The following GRIN2D variants were observed in gnomAD, a reference collection of about 807,000 sequenced individuals.
GRIN2D encodes glutamate ionotropic receptor NMDA type subunit 2D.
A neutral mutation model predicts 103.2 loss-of-function variants in GRIN2D; 37 were observed. The ratio of observed to expected loss-of-function variants is 0.36; its 90% CI spans 0.28 to 0.47. GRIN2D has a LOEUF of 0.47. GRIN2D is among the 20% of genes least tolerant of loss of function. The pLI is 1.00. For missense variants in GRIN2D, 1,557 were observed against 1,910.6 expected, an observed-to-expected ratio of 0.81 and a Z score of 3.45; for synonymous variants, 845 against 885.6, an observed-to-expected ratio of 0.95 and a Z score of 0.81.
At chr19:48,423,457 G>A (rs1448799027) in intron 11 of GRIN2D, among the ~76,000 whole-genome samples, 1 of 152,120 alleles carries the variant, frequency 6.6e-6, no homozygotes, top group African/African-American at 2.4e-5. Flanking sequence ...GTGATGGTGA[G>A]CTAGAGGGCG....
intron 11 of GRIN2D, among the ~76,000 whole-genome samples, chr19:48,431,449 G>C (rs538077961): frequency 1.2e-3 from 187 of 152,190 alleles, no homozygotes; most frequent in African/African-American, 4.1e-3. Context: ...TCACTCTATT[G>C]TTTTCTAATA....
intron 9 of GRIN2D, 56 bp from the exon 10 acceptor site, chr19:48,419,529 C>A: frequency 3.0e-6 from 4 of 1,349,958 alleles, no homozygotes; most frequent in Non-Finnish European, 4.1e-6. Context: ...TTTTTTTTTT[C>A]CCTTCCTTAT....
At chr19:48,395,419 C>A (rs914536382) in intron 2 of GRIN2D, among the ~76,000 whole-genome samples, 11 of 152,108 alleles carry the variant, frequency 7.2e-5, no homozygotes, top group African/African-American at 2.7e-4. Context: ...CAAGCTCCCA[C>A]CCCTTCCTCA....
chr19:48,402,611 G>A (rs1379869010), intron 3 of GRIN2D, among the ~76,000 whole-genome samples: 3 of 151,180 alleles, frequency 2.0e-5, no homozygotes, highest in Admixed American at 2.0e-4. Flanking sequence ...CAGCTACTCG[G>A]GAGGCTGAGG....
chr19:48,396,638 G>A (rs899428454), intron 2 of GRIN2D, among the ~76,000 whole-genome samples: 2 of 152,016 alleles, frequency 1.3e-5, no homozygotes, highest in African/African-American at 4.8e-5. Context: ...AGCCAGGATC[G>A]GGGAGGGATG....
At chr19:48,434,073 C>A (rs1000788475) in intron 11 of GRIN2D, among the ~76,000 whole-genome samples, 18 of 151,686 alleles carry the variant, frequency 1.2e-4, no homozygotes, top group Non-Finnish European at 1.9e-4. Flanking sequence ...CTCAGCTTCC[C>A]GAGTAGCTGG....
At chr19:48,408,050 G>A (rs963863596) in intron 4 of GRIN2D, among the ~76,000 whole-genome samples, 20 of 151,958 alleles carry the variant, frequency 1.3e-4, no homozygotes, top group African/African-American at 4.6e-4. Context: ...TTAGCTGGGC[G>A]TTGGCCGGGC....
intron 8 of GRIN2D, among the ~76,000 whole-genome samples, chr19:48,416,420 G>A (rs1306233449): frequency 6.6e-6 from 1 of 152,192 alleles, no homozygotes; most frequent in Non-Finnish European, 1.5e-5. Flanking sequence ...CAGCTTCCAA[G>A]CCCTGCACCT....
chr19:48,443,999 C>A lies in GRIN2D; in HGVS notation c.*62C>A. ...GCAGGCCACGGCCCGAGGGGGCGCC[C>A]GCAGTGGACAGGACCCGCGTGGGTT... On this transcript the variant is annotated 3_prime_UTR_variant, in exon 14 of 14. Transcript: ENST00000263269. This position sits in a 1 kb window ranked among gnomAD's most constrained non-coding sequence, Gnocchi z 8.9. 8.9e-7 allele frequency: 1 copy of A among 1,122,778 alleles called. No homozygotes were observed. The highest frequency in any genetic ancestry group is 2.0e-5 in the South Asian group (1 of 49,336). The allele number at this position is 1,122,778 out of a possible 1,614,324, so 69.6% of individuals were successfully genotyped here.
intron 11 of GRIN2D, among the ~76,000 whole-genome samples, chr19:48,440,184 C>CT (rs1569073553): frequency 6.6e-6 from 1 of 151,678 alleles, no homozygotes; most frequent in Non-Finnish European, 1.5e-5. Context: ...GCACTCCAGC[C>CT]TGGGGGACAA....
intron 11 of GRIN2D, among the ~76,000 whole-genome samples, chr19:48,428,052 T>G (rs868317251): frequency 0.011 from 1,610 of 150,296 alleles, 34 homozygotes; most frequent in African/African-American, 0.037. Flanking sequence ...TTCTTTTTTT[T>G]TTTTTTTTTT....
At chr19:48,404,141 G>A (rs1970751522) in intron 3 of GRIN2D, among the ~76,000 whole-genome samples, 5 of 152,070 alleles carry the variant, frequency 3.3e-5, no homozygotes, top group Admixed American at 3.3e-4. Flanking sequence ...TCGGGAGGCT[G>A]AGGCAGGAGA....
rs1600967462 is a variant in GRIN2D at position 48,398,674 on chromosome 19, G to A, written c.282G>A (p.Ser94=). The stretch of plus-strand genomic sequence containing the variant: ...CCGTGGCGCTGGTGCTCAACGGCTC[G>A]GACCCGCGCAGCCTCGTGCTGCAGC... ...VRPVALVLNG[S]DPRSLVLQLC... is the part of the protein sequence containing the mutation. The change falls in exon 3 of 14, where the codon TCG becomes TCA. Residue 94 remains serine, a synonymous_variant. Coordinates refer to ENST00000263269, the MANE Select transcript of GRIN2D (RefSeq NM_000836.4). 2 of 1,453,738 alleles carry A rather than the reference G, an allele frequency of 1.4e-6. No individual in the cohort carries two copies. The highest frequency in any genetic ancestry group is 1.8e-6 in the Non-Finnish European group (2 of 1,106,576). 90.1% of individuals were successfully genotyped at this position (1,453,738 alleles called of 1,614,324 possible). A position where few individuals can be genotyped will look rare whatever the true frequency, so the allele number is the denominator to read the frequency against.
In GRIN2D at chr19:48,410,087, G is replaced by A. The variant is rs1221760911; in HGVS notation, c.1086-3904G>A. 2.0e-5 allele frequency among the ~76,000 whole-genome samples: 3 copies of A among 151,450 alleles called. No individual in the cohort carries two copies. In the East Asian group the frequency reaches 5.9e-4, roughly 30 times the overall value. On this transcript the variant is annotated intron_variant, in intron 4 of 13. Coordinates refer to ENST00000263269, the MANE Select transcript of GRIN2D (RefSeq NM_000836.4). ...GGCGTGAACCACTGCGCCCAGCCTGGACTTGATTCTGAGAGTAGTGGGGAG... is the reference window on the plus strand; with the variant it reads ...GGCGTGAACCACTGCGCCCAGCCTGAACTTGATTCTGAGAGTAGTGGGGAG...
chr19:48,405,326 G>A lies in GRIN2D; in HGVS notation c.1058G>A (p.Arg353His), dbSNP rs1335920330. The change falls in exon 4 of 14, where the codon CGC (arginine) becomes CAC (histidine). Residue 353 changes from arginine to histidine, a missense_variant. By Grantham distance (29) the Arg-to-His change is conservative (BLOSUM62 0). Transcript: ENST00000263269. This position sits in a 1 kb window ranked among gnomAD's most constrained non-coding sequence, Gnocchi z 5.1. ...ELGHDCRAQNRTHRGESLHRY... is the reference protein window; with the variant it reads ...ELGHDCRAQNHTHRGESLHRY... ...GGCCACGACTGTCGCGCCCAGAACCGCACCCACCGCGGCGAGAGTCTGCAT... is the reference window on the plus strand; with the variant it reads ...GGCCACGACTGTCGCGCCCAGAACCACACCCACCGCGGCGAGAGTCTGCAT... 1 of 1,593,696 alleles carries A rather than the reference G, an allele frequency of 6.3e-7. No individual in the cohort carries two copies. The highest frequency in any genetic ancestry group is 1.7e-5 in the Admixed American group (1 of 59,246).
intron 11 of GRIN2D, 101 bp downstream of exon 11, chr19:48,422,046 G>A: frequency 8.1e-7 from 1 of 1,233,062 alleles, no homozygotes; most frequent in Admixed American, 2.1e-5. Flanking sequence ...AGTCCCAGAG[G>A]TCAGCCCTGG....
Position 48,443,669 on chromosome 19 carries a change from C to A in GRIN2D, c.3743C>A (p.Pro1248His), listed in dbSNP as rs1335157311. The change falls in exon 14 of 14, where the codon CCC becomes CAC. Residue 1248 changes from proline (P) to histidine (H), a missense_variant. Around this residue, in one of 7 missense-constraint regions of GRIN2D, gnomAD observed 632 missense variants for 572.8 expected, o/e 1.10. Transcript: ENST00000263269. The surrounding 1 kb of genome is among the most constrained non-coding windows in gnomAD (Gnocchi z 8.9). ...CACCGCACGCCCGCCGCCGCCGCGCCCCACCACCACAGGCACCGGCGCGCC... is the reference window on the plus strand; with the variant it reads ...CACCGCACGCCCGCCGCCGCCGCGCACCACCACCACAGGCACCGGCGCGCC... Reference protein sequence around the residue: ...ASHRTPAAAAPHHHRHRRAAG... With the variant: ...ASHRTPAAAAHHHHRHRRAAG... The A allele has an allele frequency of 3.3e-6, 4 of 1,196,176 alleles. No individual in the cohort carries two copies. Among genetic ancestry groups the A allele is most frequent in the Non-Finnish European group, 4.1e-6 (4 of 967,394 alleles). 74.1% of individuals were successfully genotyped at this position (1,196,176 alleles called of 1,614,324 possible). A position where few individuals can be genotyped will look rare whatever the true frequency, so the allele number is the denominator to read the frequency against.
At position 48,414,128 on chromosome 19, in the gene GRIN2D, A is replaced by T; in HGVS notation, c.1200+23A>T. The T allele has an allele frequency of 7.3e-7, 1 of 1,376,046 alleles. No individual in the cohort carries two copies. The highest frequency in any genetic ancestry group is 1.0e-6 in the Non-Finnish European group (1 of 964,058). 85.2% of individuals were successfully genotyped at this position (1,376,046 alleles called of 1,614,324 possible). A position where few individuals can be genotyped will look rare whatever the true frequency, so the allele number is the denominator to read the frequency against. Reference sequence around the variant, plus strand: ...GTGGTGAGTCGTAGCCCCAGACCTCAGGCATGGCAGAGGGTGTGGACTCCT... The same window carrying T: ...GTGGTGAGTCGTAGCCCCAGACCTCTGGCATGGCAGAGGGTGTGGACTCCT... On this transcript the variant is annotated intron_variant, in intron 5 of 13. Transcript: ENST00000263269. The surrounding 1 kb of genome is among the most constrained non-coding windows in gnomAD (Gnocchi z 4.6).
At position 48,442,138 on chromosome 19, in the gene GRIN2D, G is replaced by A. The variant is rs766305335; in HGVS notation, c.2441-12G>A. ...TACTCATAGCAGGTGACTTTTGACC[G>A]CCCCTCCCTAGATGAGATCGAGATG... On this transcript the variant is annotated splice_polypyrimidine_tract_variant and intron_variant, in intron 12 of 13. Coordinates refer to ENST00000263269, the MANE Select transcript of GRIN2D (RefSeq NM_000836.4). This position sits in a 1 kb window ranked among gnomAD's most constrained non-coding sequence, Gnocchi z 7.2. The A allele has an allele frequency of 1.9e-6, 3 of 1,612,212 alleles. No homozygotes were observed. The highest frequency in any genetic ancestry group is 2.5e-6 in the Non-Finnish European group (3 of 1,178,498).
Sources: allele counts gnomAD v4.1 joint callset (sites outside exome capture counted in the v4.1 genomes callset), GRCh38; gene constraint gnomAD v4.1.1; regional missense constraint gnomAD v4.1.1; non-coding constraint Gnocchi (gnomAD v3.1); transcripts MANE v1.5; gene names NCBI Gene and HGNC (gene_info 2026-07-23, HGNC 2026-07-21).